The following VPS45 variants were observed in gnomAD, a reference collection of about 807,000 sequenced individuals.
VPS45 encodes vacuolar protein sorting 45 homolog.
In VPS45, 35 loss-of-function variants were observed where a neutral mutation model predicts 75.9. That is an observed-to-expected ratio of 0.46 (90% CI 0.35 to 0.61). The LOEUF (loss-of-function observed/expected upper bound fraction) is 0.61. Ranked by LOEUF, VPS45 falls within the 20% of genes least tolerant of loss-of-function variation. The pLI, the probability that VPS45 is intolerant of heterozygous loss-of-function variation, is 0.00. For missense variants in VPS45, 559 were observed against 685.9 expected, an observed-to-expected ratio of 0.81 and a Z score of 2.07; for synonymous variants, 220 against 238.2, an observed-to-expected ratio of 0.92 and a Z score of 0.70.
intron 13 of VPS45, among the ~76,000 whole-genome samples, chr1:150,105,957 C>T (rs1263212502): frequency 6.6e-6 from 1 of 152,076 alleles, no homozygotes; most frequent in African/African-American, 2.4e-5. Context: ...AGCCACATAC[C>T]TACAACCAAC....
chr1:150,075,781 C>G (rs72692895), intron 3 of VPS45, among the ~76,000 whole-genome samples: 23,721 of 151,916 alleles, frequency 0.16, 2,026 homozygotes, highest in African/African-American at 0.19. Context: ...ATGGAGTCTT[C>G]CTCTATCGCC....
At chr1:150,082,649 A>G (rs1553799681) in intron 9 of VPS45, 67 bp from the exon 10 acceptor site, 4 of 1,541,022 alleles carry the variant, frequency 2.6e-6, no homozygotes, top group African/African-American at 1.4e-5. Flanking sequence ...CCCAACCCCC[A>G]TTCAGTACAT....
chr1:150,073,924 G>A (rs1571816838), intron 3 of VPS45, among the ~76,000 whole-genome samples: 2 of 151,742 alleles, frequency 1.3e-5, no homozygotes, highest in South Asian at 2.1e-4. Context: ...AAATCATACA[G>A]CATATAATCT....
rs1396819199 is a variant in VPS45, at chr1:150,072,292, C to T, written c.289+66C>T. 3.6e-6 allele frequency: 4 copies of T among 1,106,380 alleles called. No individual in the cohort carries two copies. The East Asian group carries it at 7.6e-5, about 21-fold the overall frequency. The allele number at this position is 1,106,380 out of a possible 1,614,324, so 68.5% of individuals were successfully genotyped here. Reference sequence around the variant, plus strand: ...CCCAGTTAGTGTGTTTCATTGAGCCCTTCATATCATCAATAACTTCATTGA... The same window carrying T: ...CCCAGTTAGTGTGTTTCATTGAGCCTTTCATATCATCAATAACTTCATTGA... On this transcript the variant is annotated intron_variant, in intron 3 of 14. Coordinates refer to ENST00000644510, the MANE Select transcript of VPS45 (RefSeq NM_007259.5).
At position 150,072,238 on chromosome 1, in the gene VPS45, A is replaced by G; in HGVS notation, c.289+12A>G. On this transcript the variant is annotated intron_variant, in intron 3 of 14. Coordinates refer to ENST00000644510, the MANE Select transcript of VPS45 (RefSeq NM_007259.5). ...TATATATTTCATTTGTAAGTATGTT[A>G]GTTCACTTTTTCAAACATGTAACAA... 6.3e-7 allele frequency: 1 copy of G among 1,582,288 alleles called. No homozygotes were observed. Among genetic ancestry groups the G allele is most frequent in the Non-Finnish European group, 8.6e-7 (1 of 1,160,316 alleles).
At chr1:150,108,928 A>G (rs1657483027) in intron 13 of VPS45, among the ~76,000 whole-genome samples, 2 of 152,186 alleles carry the variant, frequency 1.3e-5, no homozygotes, top group Non-Finnish European at 2.9e-5. Context: ...ATTGGTCCTC[A>G]GCCTGGGTTT....
chr1:150,114,579 T>A (rs1289624803), intron 14 of VPS45, among the ~76,000 whole-genome samples: 3 of 139,948 alleles, frequency 2.1e-5, no homozygotes, highest in Admixed American at 1.4e-4. Flanking sequence ...ACTCTGTTTC[T>A]AAAAAAAAAA....
intron 9 of VPS45, among the ~76,000 whole-genome samples, 182 bp from the exon 10 acceptor site, chr1:150,082,534 G>T (rs1655775764): frequency 7.1e-6 from 1 of 140,188 alleles, no homozygotes; most frequent in African/African-American, 2.7e-5. Context: ...AAAAAACTCA[G>T]TCTACCAACA....
At chr1:150,086,882 C>T (rs1209554893) in intron 10 of VPS45, among the ~76,000 whole-genome samples, 1 of 151,598 alleles carries the variant, frequency 6.6e-6, no homozygotes, top group Non-Finnish European at 1.5e-5. Context: ...CTGTCCTAAT[C>T]TGTTGGTTTA....
intron 1 of VPS45, chr1:150,068,247 G>C (rs1319085974): frequency 2.4e-6 from 1 of 420,264 alleles, no homozygotes; most frequent in African/African-American, 2.0e-5. Context: ...GCTTTGGGAT[G>C]GGCCTACTGT....
At chr1:150,132,998 A>T (rs1333207002) in intron 14 of VPS45, among the ~76,000 whole-genome samples, 1 of 152,240 alleles carries the variant, frequency 6.6e-6, no homozygotes, top group African/African-American at 2.4e-5. Context: ...GACTTTGGGT[A>T]TTCATTATCA....
At chr1:150,082,245 GCCTGTAATC>G (rs1358715153) in intron 9 of VPS45, among the ~76,000 whole-genome samples, 1 of 152,144 alleles carries the variant, frequency 6.6e-6, no homozygotes, top group East Asian at 1.9e-4. Context: ...AGTGGCTCAC[GCCTGTAATC>G]CCAGCACTTT....
chr1:150,087,209 G>A (rs1656064686), intron 10 of VPS45, among the ~76,000 whole-genome samples: 7 of 152,194 alleles, frequency 4.6e-5, no homozygotes, highest in Admixed American at 4.6e-4. Context: ...AGTTCCTTTA[G>A]GAAACTTGAT....
intron 13 of VPS45, among the ~76,000 whole-genome samples, chr1:150,101,412 CAA>C (rs1656983130): frequency 6.6e-6 from 1 of 152,120 alleles, no homozygotes; most frequent in African/African-American, 2.4e-5. Context: ...GATACCATCT[CAA>C]CACCAGTCAG....
intron 2 of VPS45, among the ~76,000 whole-genome samples, chr1:150,071,238 A>G (rs1655052194): frequency 6.6e-6 from 1 of 152,162 alleles, no homozygotes; most frequent in Non-Finnish European, 1.5e-5. Flanking sequence ...CCTGCATTAT[A>G]ATCTTATGTA....
chr1:150,104,885 G>A (rs1168290857), intron 13 of VPS45, among the ~76,000 whole-genome samples: 3 of 152,132 alleles, frequency 2.0e-5, no homozygotes, highest in Non-Finnish European at 4.4e-5. Context: ...AAGCCACCAG[G>A]CCCAGCCTTT....
intron 13 of VPS45, among the ~76,000 whole-genome samples, chr1:150,097,352 G>T (rs1407016626): frequency 2.0e-5 from 3 of 151,524 alleles, no homozygotes; most frequent in Admixed American, 1.3e-4. Context: ...TGATCCGCCC[G>T]CCTCGGCCTC....
intron 14 of VPS45, among the ~76,000 whole-genome samples, chr1:150,133,925 T>G (rs1292760386): frequency 6.6e-6 from 1 of 152,252 alleles, no homozygotes; most frequent in Non-Finnish European, 1.5e-5. Context: ...TGTTTGCTTT[T>G]CTTGCTGTTT....
At chr1:150,085,774 T>A (rs1478760034) in intron 10 of VPS45, among the ~76,000 whole-genome samples, 1 of 152,134 alleles carries the variant, frequency 6.6e-6, no homozygotes, top group Non-Finnish European at 1.5e-5. Flanking sequence ...AACTTAAAAA[T>A]TGCTGCCATT....
Sources: allele counts gnomAD v4.1 joint callset (sites outside exome capture counted in the v4.1 genomes callset), GRCh38; gene constraint gnomAD v4.1.1; transcripts MANE v1.5; gene names NCBI Gene and HGNC (gene_info 2026-07-23, HGNC 2026-07-21).